The following WDFY3 variants were observed in gnomAD, a reference collection of about 807,000 sequenced individuals.
WDFY3 encodes WD repeat and FYVE domain containing 3.
In WDFY3, 66 loss-of-function variants were observed where a neutral mutation model predicts 409.6. That is an observed-to-expected ratio of 0.16 (90% confidence interval 0.13 to 0.20). The LOEUF (loss-of-function observed/expected upper bound fraction) is 0.20, where lower values mean the gene tolerates loss of function less well. Among genes scored for constraint, WDFY3 ranks in the 10% least tolerant of loss-of-function variants. The pLI, the probability that WDFY3 is intolerant of heterozygous loss-of-function variation, is 1.00. For missense variants in WDFY3, 3,031 were observed against 4,298.1 expected (o/e 0.71, Z 8.24); for synonymous variants, 1,521 against 1,537.1 (o/e 0.99, Z 0.25).
intron 15 of WDFY3, among the ~76,000 whole-genome samples, chr4:84,807,960 A>G (rs1751792903): frequency 6.6e-6 from 1 of 151,126 alleles, no homozygotes; most frequent in Admixed American, 6.6e-5. Flanking sequence ...GTAAAAAATA[A>G]AAAAAAAATG....
At chr4:84,698,692 T>C (rs1024870690) in intron 56 of WDFY3, among the ~76,000 whole-genome samples, 2 of 152,116 alleles carry the variant, frequency 1.3e-5, no homozygotes, top group African/African-American at 4.8e-5. Context: ...GTGCTTTTTC[T>C]TTCTTTCTTT....
chr4:84,759,801 C>G (rs1329059434), intron 32 of WDFY3, among the ~76,000 whole-genome samples: 5 of 151,810 alleles, frequency 3.3e-5, no homozygotes, highest in Middle Eastern at 3.2e-3. Context: ...TTATTTCCTT[C>G]TCCTGCCTAA....
chr4:84,886,141 C>T (rs1764189859), intron 3 of WDFY3, among the ~76,000 whole-genome samples: 1 of 152,070 alleles, frequency 6.6e-6, no homozygotes, highest in Non-Finnish European at 1.5e-5. Flanking sequence ...TACATGGACA[C>T]ATATTAACAA....
chr4:84,796,803 AACTT>A, intron 18 of WDFY3, 51 bp from the exon 19 acceptor site: 1 of 1,475,852 alleles, frequency 6.8e-7, no homozygotes, highest in Non-Finnish European at 9.3e-7. Context: ...ATTTCAAAAT[AACTT>A]TACAAGGCTG....
chr4:84,778,632 C>T lies in WDFY3; in HGVS notation c.4389G>A (p.Lys1463=). 6.2e-7 allele frequency: 1 copy of T among 1,608,978 alleles called. No individual in the cohort carries two copies. The highest frequency in any genetic ancestry group is 8.5e-7 in the Non-Finnish European group (1 of 1,178,758). Reference sequence around the variant, plus strand: ...TGTGGCTGTTAAGAAGGGAACGTTTCTTCTTAAGCAACATTGCCAGCAACT... The same window carrying T: ...TGTGGCTGTTAAGAAGGGAACGTTTTTTCTTAAGCAACATTGCCAGCAACT... ...GYQLLAMLLK[K]KRSLLNSHIL... is the part of the protein sequence containing the mutation. The change falls in exon 27 of 68, where the codon AAG becomes AAA. Residue 1463 remains lysine, a synonymous_variant. Coordinates refer to ENST00000295888, the MANE Select transcript of WDFY3 (RefSeq NM_014991.6).
intron 18 of WDFY3, among the ~76,000 whole-genome samples, chr4:84,797,338 A>G (rs1362165528): frequency 6.6e-6 from 1 of 152,132 alleles, no homozygotes; most frequent in Non-Finnish European, 1.5e-5. Flanking sequence ...AAGAATAAAA[A>G]GACAAATTCT....
chr4:84,862,758 C>T (rs1361887207), intron 3 of WDFY3, among the ~76,000 whole-genome samples: 4 of 151,934 alleles, frequency 2.6e-5, no homozygotes, highest in East Asian at 1.9e-4. Context: ...GAGGCCTAGG[C>T]GGGTGGATCA....
intron 2 of WDFY3, among the ~76,000 whole-genome samples, chr4:84,928,332 C>A (rs550651910): frequency 4.3e-4 from 66 of 152,302 alleles, no homozygotes; most frequent in African/African-American, 1.4e-3. Flanking sequence ...GGCCTTTGGA[C>A]TTGGACTGAG....
chr4:84,691,615 A>G lies in WDFY3; in HGVS notation c.9204+16T>C. ...AAAGAGCAATATTAAATGAGTAGGC[A>G]GGAAATAATGCAAACCTTGTCTGAC... is the stretch of plus-strand genomic sequence containing the variant. On this transcript the variant is annotated intron_variant, in intron 60 of 67. Coordinates refer to ENST00000295888, the MANE Select transcript of WDFY3 (RefSeq NM_014991.6). 1 of 1,611,958 alleles carries G rather than the reference A, an allele frequency of 6.2e-7. No homozygotes were observed. Among genetic ancestry groups the G allele is most frequent in the Non-Finnish European group, 8.5e-7 (1 of 1,178,510 alleles).
At chr4:84,723,553 T>C (rs369754520) in intron 46 of WDFY3, among the ~76,000 whole-genome samples, 33 of 152,224 alleles carry the variant, frequency 2.2e-4, no homozygotes, top group African/African-American at 7.7e-4. Context: ...AACAATGGAT[T>C]GATTTACTTA....
chr4:84,872,039 T>C (rs549729603), intron 3 of WDFY3, among the ~76,000 whole-genome samples: 32 of 152,234 alleles, frequency 2.1e-4, no homozygotes, highest in Middle Eastern at 3.4e-3. Context: ...GGGAGCAATA[T>C]CACAAGGGAG....
rs745375460 is a variant in WDFY3 at position 84,826,863 on chromosome 4, C to T, written c.1075G>A (p.Ala359Thr). The T allele has an allele frequency of 5.6e-6, 9 of 1,609,670 alleles. No individual in the cohort carries two copies. The Admixed American group carries it at 8.5e-5, about 15-fold the overall frequency. ...ELKPAGITTG[A>T]PFLLPGFAVP... ...GCAAATCCAGGCAATAAAAAGGGTG[C>T]CCCTGTGGTAATACCAGCTGGTTTT... Residue 359 changes from alanine (A) to threonine (T), a missense_variant, in exon 10 of 68, where the codon GCA becomes ACA. Physicochemically the swap from Ala to Thr is moderately conservative, Grantham distance 58 (BLOSUM62 0). Transcript: ENST00000295888.
chr4:84,823,489 TA>T (rs1471767515), intron 10 of WDFY3, among the ~76,000 whole-genome samples: 1 of 150,730 alleles, frequency 6.6e-6, no homozygotes, highest in Middle Eastern at 3.4e-3. Flanking sequence ...AAAGATGCGT[TA>T]AAAAAAAACC....
In WDFY3 at chr4:84,731,332, T is replaced by C. The variant is rs529730050; in HGVS notation, c.7221+2050A>G. 7.9e-5 allele frequency among the ~76,000 whole-genome samples: 12 copies of C among 152,312 alleles called. No individual in the cohort carries two copies. The South Asian group carries it at 2.5e-3, about 32-fold the overall frequency. ...CTGCCGGAATGCACATTCCAAAAGA[T>C]ACAAGTTGACATTTAATGGCATTTC... On this transcript the variant is annotated intron_variant, in intron 44 of 67. Coordinates refer to ENST00000295888, the MANE Select transcript of WDFY3 (RefSeq NM_014991.6).
At chr4:84,933,355 C>T (rs1771005886) in intron 1 of WDFY3, among the ~76,000 whole-genome samples, 1 of 151,936 alleles carries the variant, frequency 6.6e-6, no homozygotes, top group African/African-American at 2.4e-5. Context: ...ATTACAGAAA[C>T]CCAGCTAGAA....
intron 44 of WDFY3, among the ~76,000 whole-genome samples, chr4:84,730,519 C>T (rs1376499031): frequency 6.6e-6 from 1 of 152,154 alleles, no homozygotes; most frequent in South Asian, 2.1e-4. Context: ...TATACTCCTA[C>T]CTTACTACAC....
At chr4:84,801,566 T>C in intron 17 of WDFY3, 84 bp downstream of exon 17, 1 of 1,428,062 alleles carries the variant, frequency 7.0e-7, no homozygotes, top group Admixed American at 2.3e-5. Flanking sequence ...TATATGTCCA[T>C]TAAGGCAGGA....
intron 34 of WDFY3, among the ~76,000 whole-genome samples, chr4:84,754,665 C>T (rs1309378846): frequency 3.3e-5 from 5 of 152,168 alleles, no homozygotes; most frequent in African/African-American, 7.2e-5. Flanking sequence ...TTTACTCTTT[C>T]AATTCTTCAT....
rs1461241850 is a variant in WDFY3, at chr4:84,724,507, C to T, written c.7360G>A (p.Asp2454Asn). Residue 2454 changes from aspartate (D) to asparagine (N), a missense_variant, in exon 46 of 68, where the codon GAC (aspartate) becomes AAC (asparagine). Asp to Asn is a conservative substitution (Grantham distance 23, BLOSUM62 1). Coordinates refer to ENST00000295888, the MANE Select transcript of WDFY3 (RefSeq NM_014991.6). ...LASGNPAIVQ[D>N]AIVESSEGEA... ...CCTTCTGAACTCTCCACAATGGCGT[C>T]TTGGACAATGGCGGGATTGCCAGAG... 1 of 1,614,172 alleles carries T rather than the reference C, an allele frequency of 6.2e-7. No homozygotes were observed. The highest frequency in any genetic ancestry group is 8.5e-7 in the Non-Finnish European group (1 of 1,180,010).
Sources: allele counts gnomAD v4.1 joint callset (sites outside exome capture counted in the v4.1 genomes callset), GRCh38; gene constraint gnomAD v4.1.1; transcripts MANE v1.5; gene names NCBI Gene and HGNC (gene_info 2026-07-23, HGNC 2026-07-21).